TP63: variants seen among roughly 807,000 people sequenced by gnomAD.
TP63 encodes tumor protein 63.
Under a neutral mutation model 82.8 loss-of-function variants are expected in TP63, and 17 were observed. That is an observed-to-expected ratio of 0.21 (90% confidence interval 0.14 to 0.31). The LOEUF (loss-of-function observed/expected upper bound fraction) is 0.31. Among genes scored for constraint, TP63 ranks in the 10% least tolerant of loss-of-function variants. TP63 has a pLI of 1.00. For missense variants in TP63, 648 were observed against 895.3 expected, an observed-to-expected ratio of 0.72 and a Z score of 3.52; for synonymous variants, 330 against 321.7, an observed-to-expected ratio of 1.03 and a Z score of -0.28.
intron 1 of TP63, among the ~76,000 whole-genome samples, chr3:189,652,275 C>T (rs1712961439): frequency 6.8e-6 from 1 of 146,986 alleles, no homozygotes. Flanking sequence ...CATGGGAGCC[C>T]ACCTCTTGTA....
chr3:189,846,114 G>A (rs1214355599), intron 4 of TP63, among the ~76,000 whole-genome samples: 1 of 151,920 alleles, frequency 6.6e-6, no homozygotes, highest in East Asian at 1.9e-4. Flanking sequence ...CCTAGTCACT[G>A]GAATTCTTTT....
intron 1 of TP63, among the ~76,000 whole-genome samples, chr3:189,712,556 G>A (rs1718670489): frequency 6.6e-6 from 1 of 152,092 alleles, no homozygotes; most frequent in Admixed American, 6.6e-5. Context: ...GCAGCTCTTT[G>A]AGGCCTTTTT....
intron 1 of TP63, among the ~76,000 whole-genome samples, chr3:189,690,247 A>G (rs1175913627): frequency 6.6e-6 from 1 of 152,194 alleles, no homozygotes; most frequent in East Asian, 1.9e-4. Context: ...AACAATCTGT[A>G]GAGTAAGTAG....
chr3:189,830,028 T>C (rs1429583791), intron 4 of TP63: 2 of 218,898 alleles, frequency 9.1e-6, no homozygotes, highest in East Asian at 3.5e-4. Flanking sequence ...AGCTCCACTG[T>C]AACCTTCATT....
intron 9 of TP63, among the ~76,000 whole-genome samples, chr3:189,870,163 A>T (rs114031124): frequency 1.3e-5 from 2 of 152,196 alleles, no homozygotes; most frequent in Non-Finnish European, 2.9e-5. Flanking sequence ...CACAAAATTG[A>T]TAATGCAGCA....
chr3:189,735,442 A>G (rs1720511046), intron 1 of TP63, among the ~76,000 whole-genome samples: 1 of 152,184 alleles, frequency 6.6e-6, no homozygotes, highest in South Asian at 2.1e-4. Context: ...CTCTTTCTTC[A>G]AGCCAGATCC....
chr3:189,770,569 A>AG (rs558912840), intron 3 of TP63, among the ~76,000 whole-genome samples: 18 of 152,134 alleles, frequency 1.2e-4, no homozygotes, highest in African/African-American at 3.9e-4. Context: ...CGTCTCAAAA[A>AG]AAAAAAAATT....
At chr3:189,600,322 G>GT in the TP63 span, among the ~76,000 whole-genome samples, 1 of 151,988 alleles carries the variant, frequency 6.6e-6, no homozygotes, top group Non-Finnish European at 1.5e-5. Context: ...TGGGCTTTAG[G>GT]TTTTTTTATC....
chr3:189,720,736 G>GGAA lies in TP63; in HGVS notation c.63-17004_63-17003insGAA, dbSNP rs1302388890. 4.1e-5 allele frequency among the ~76,000 whole-genome samples: 5 copies of GGAA among 120,912 alleles called. No homozygotes were observed. In the South Asian group the frequency reaches 1.4e-3, roughly 34 times the overall value. 79.3% of individuals were successfully genotyped at this position (120,912 alleles called of 152,430 possible). A position where few individuals can be genotyped will look rare whatever the true frequency, so the allele number is the denominator to read the frequency against. ...GCAACAAGAGTGAAACTCCGTCTCA[G>GGAA]AAAAAAAAAAAAAAAAAAAAAGAAG... is the stretch of plus-strand genomic sequence containing the variant. On this transcript the variant is annotated intron_variant, in intron 1 of 13. Coordinates refer to ENST00000264731, the MANE Select transcript of TP63 (RefSeq NM_003722.5).
rs1383931117 is a variant in TP63, at chr3:189,689,098, C to CTTTTTTTTTT, written c.63-48637_63-48636insTTTTTTTTTT. On this transcript the variant is annotated intron_variant, in intron 1 of 13. Transcript: ENST00000264731. ...CAGAGTGGCCAGCATTCAAATCTAC[C>CTTTTTTTTTT]TTTTTCTTTTTTTTTTTTTTTTTTT... 5.5e-3 allele frequency among the ~76,000 whole-genome samples: 465 copies of CTTTTTTTTTT among 85,156 alleles called. 153 individuals are homozygous for CTTTTTTTTTT. Among genetic ancestry groups the CTTTTTTTTTT allele is most frequent in the Middle Eastern group, 0.013 (1 of 80 alleles). The allele number at this position is 85,156 out of a possible 152,430, so 55.9% of individuals were successfully genotyped here.
intron 1 of TP63, among the ~76,000 whole-genome samples, chr3:189,690,892 T>G (rs894141822): frequency 3.3e-5 from 5 of 152,204 alleles, no homozygotes; most frequent in African/African-American, 1.2e-4. Flanking sequence ...GATGCTTTTT[T>G]GACTGGACTC....
chr3:189,714,090 T>G (rs373146357), intron 1 of TP63, among the ~76,000 whole-genome samples: 4 of 152,170 alleles, frequency 2.6e-5, no homozygotes, highest in East Asian at 3.8e-4. Context: ...TATTCACAGA[T>G]CCTCAGTGCC....
At chr3:189,784,293 G>A (rs533573322) in intron 3 of TP63, among the ~76,000 whole-genome samples, 1 of 152,138 alleles carries the variant, frequency 6.6e-6, no homozygotes, top group African/African-American at 2.4e-5. Context: ...ATCATAGCAT[G>A]GGCTATATGG....
chr3:189,713,679 A>G (rs766510762), intron 1 of TP63, among the ~76,000 whole-genome samples: 8 of 152,168 alleles, frequency 5.3e-5, no homozygotes, highest in Admixed American at 2.6e-4. Flanking sequence ...TACAAGTTCA[A>G]GTCTAATCCA....
chr3:189,596,949 A>G, the TP63 span, among the ~76,000 whole-genome samples: 1 of 152,108 alleles, frequency 6.6e-6, no homozygotes, highest in Non-Finnish European at 1.5e-5. Flanking sequence ...GCACCGCCTT[A>G]AGAACTTCAA....
intron 3 of TP63, among the ~76,000 whole-genome samples, chr3:189,760,883 C>T (rs902791490): frequency 3.1e-4 from 47 of 152,182 alleles, no homozygotes; most frequent in African/African-American, 1.1e-3. Flanking sequence ...CAGTTCTTGA[C>T]TTCTGTGCAC....
intron 1 of TP63, among the ~76,000 whole-genome samples, chr3:189,674,127 T>A (rs1392568185): frequency 1.3e-5 from 2 of 152,104 alleles, no homozygotes; most frequent in Non-Finnish European, 1.5e-5. Context: ...CATAAAACAA[T>A]GTACGGATAG....
At position 189,851,228 on chromosome 3, in the gene TP63, G is replaced by A. The variant is rs545897304; in HGVS notation, c.580-13004G>A. On this transcript the variant is annotated intron_variant, in intron 4 of 13. Transcript: ENST00000264731. The stretch of plus-strand genomic sequence containing the variant: ...GTTAGATGTTATTGTATTTCAAAGC[G>A]AGCTTGGGAAGGGGCGCAAAGCAGT... Among the ~76,000 whole-genome samples, 163 of 152,230 alleles carry A rather than the reference G, an allele frequency of 1.1e-3. 2 individuals are homozygous for A. In the Middle Eastern group the frequency reaches 0.014, roughly 13 times the overall value.
At chr3:189,873,234 AT>A (rs1718652796) in intron 10 of TP63, 1 of 587,670 alleles carries the variant, frequency 1.7e-6, no homozygotes, top group Admixed American at 2.8e-5. Flanking sequence ...TTTCTGGTGA[AT>A]TACAAAGAAA....
Sources: gnomAD v4.1 joint callset for allele counts (sites outside exome capture counted in the v4.1 genomes callset) on GRCh38, gnomAD v4.1.1 for gene constraint, MANE v1.5 for transcripts, NCBI Gene and HGNC (gene_info 2026-07-23, HGNC 2026-07-21) for gene names.